Variants in MAP7 observed in about 807,000 individuals in gnomAD.
MAP7 encodes ensconsin.
A neutral mutation model predicts 94.8 loss-of-function variants in MAP7; 52 were observed. The ratio of observed to expected loss-of-function variants is 0.55; its 90% CI spans 0.44 to 0.69. The LOEUF (loss-of-function observed/expected upper bound fraction) is 0.69. Ranked by LOEUF, MAP7 falls within the 30% of genes least tolerant of loss-of-function variation. The pLI is 0.00. For missense variants in MAP7, 940 were observed against 964.6 expected (o/e 0.97, Z 0.34); for synonymous variants, 350 against 357.0 (o/e 0.98, Z 0.22).
rs151223651 is a variant in MAP7, at chr6:136,433,631, G to T, written c.68-11832C>A. Among the ~76,000 whole-genome samples, 132 of 152,352 alleles carry T rather than the reference G, an allele frequency of 8.7e-4. 2 individuals are homozygous for T. The highest frequency in any genetic ancestry group is 3.1e-3 in the African/African-American group (130 of 41,584). Reference sequence around the variant, plus strand: ...ATTGGATCAGAGGCTTAAAAGCAAGGTTTGTTCCATATGGATACATTTACC... The same window carrying T: ...ATTGGATCAGAGGCTTAAAAGCAAGTTTTGTTCCATATGGATACATTTACC... On this transcript the variant is annotated intron_variant, in intron 1 of 17. Coordinates refer to ENST00000354570, the MANE Select transcript of MAP7 (RefSeq NM_003980.6).
chr6:136,429,979 C>T (rs1362394847), intron 1 of MAP7, among the ~76,000 whole-genome samples: 2 of 152,142 alleles, frequency 1.3e-5, no homozygotes, highest in African/African-American at 4.8e-5. Flanking sequence ...ATAATGTTTA[C>T]GACTAAGCAA....
intron 1 of MAP7, among the ~76,000 whole-genome samples, chr6:136,507,893 C>T (rs1324594057): frequency 6.6e-6 from 1 of 152,208 alleles, no homozygotes; most frequent in African/African-American, 2.4e-5. Context: ...TTAACTCCTA[C>T]ACCGTATGGC....
chr6:136,437,189 T>G (rs1233587596), intron 1 of MAP7, among the ~76,000 whole-genome samples: 1 of 152,192 alleles, frequency 6.6e-6, no homozygotes, highest in Non-Finnish European at 1.5e-5. Context: ...GGCCAGGAAG[T>G]GTTCTTCCAC....
intron 5 of MAP7, among the ~76,000 whole-genome samples, chr6:136,384,968 G>C (rs1225519166): frequency 1.3e-5 from 2 of 152,184 alleles, no homozygotes; most frequent in Non-Finnish European, 2.9e-5. Context: ...TTATCCAGGA[G>C]GCAGGTGGAT....
chr6:136,513,104 C>T (rs1170945153), intron 1 of MAP7, among the ~76,000 whole-genome samples: 1 of 152,186 alleles, frequency 6.6e-6, no homozygotes, highest in Non-Finnish European at 1.5e-5. Context: ...CTCTGCCTCT[C>T]AAAGCACTGG....
chr6:136,429,811 T>C (rs1371614903), intron 1 of MAP7, among the ~76,000 whole-genome samples: 1 of 152,228 alleles, frequency 6.6e-6, no homozygotes, highest in African/African-American at 2.4e-5. Flanking sequence ...TTCAGCCAGA[T>C]GGCAACACTA....
At chr6:136,358,097 T>C (rs1470624835) in intron 15 of MAP7, among the ~76,000 whole-genome samples, 1 of 152,230 alleles carries the variant, frequency 6.6e-6, no homozygotes, top group Non-Finnish European at 1.5e-5. Context: ...AGCCTCCTTT[T>C]AGCAGTTTTA....
intron 1 of MAP7, among the ~76,000 whole-genome samples, chr6:136,535,742 T>C (rs1009909667): frequency 6.6e-6 from 1 of 152,098 alleles, no homozygotes; most frequent in South Asian, 2.1e-4. Context: ...GTCATCTTTT[T>C]TTTTCTTTTT....
intron 1 of MAP7, among the ~76,000 whole-genome samples, chr6:136,470,074 G>T (rs899651132): frequency 3.9e-5 from 6 of 151,980 alleles, no homozygotes; most frequent in Non-Finnish European, 8.8e-5. Context: ...TGCCACCCTC[G>T]AAACTGAAGA....
chr6:136,526,234 C>G (rs761978932), intron 1 of MAP7: 25 of 1,187,312 alleles, frequency 2.1e-5, no homozygotes, highest in Non-Finnish European at 2.3e-5. Flanking sequence ...CAGGCACATG[C>G]GCTGGTGATT....
intron 7 of MAP7, among the ~76,000 whole-genome samples, chr6:136,374,115 C>T (rs1391895577): frequency 6.6e-6 from 1 of 152,168 alleles, no homozygotes; most frequent in Non-Finnish European, 1.5e-5. Flanking sequence ...TCTGTTTCTT[C>T]AGGACAAACT....
intron 1 of MAP7, among the ~76,000 whole-genome samples, chr6:136,455,303 T>G (rs1426620493): frequency 6.6e-6 from 1 of 152,130 alleles, no homozygotes; most frequent in Non-Finnish European, 1.5e-5. Flanking sequence ...TATAAATATA[T>G]ATGCACCCAA....
At chr6:136,501,035 T>C (rs1047334760) in intron 1 of MAP7, among the ~76,000 whole-genome samples, 1 of 152,224 alleles carries the variant, frequency 6.6e-6, no homozygotes, top group African/African-American at 2.4e-5. Context: ...CAATGTAAAT[T>C]TTATGTTTTA....
intron 16 of MAP7, among the ~76,000 whole-genome samples, chr6:136,352,760 G>A (rs1298557693): frequency 6.6e-6 from 1 of 152,066 alleles, no homozygotes; most frequent in Non-Finnish European, 1.5e-5. Flanking sequence ...AACTATGAAG[G>A]GTATGGAAAC....
rs1294153856 is a variant in MAP7, at chr6:136,379,215, A to ATC, written c.638-1348_638-1347insGA. Among the ~76,000 whole-genome samples the ATC allele has an allele frequency of 4.4e-3, 668 of 152,322 alleles. 6 individuals carry two copies. The highest frequency in any genetic ancestry group is 0.015 in the African/African-American group (637 of 41,576). On this transcript the variant is annotated intron_variant, in intron 6 of 17. Transcript: ENST00000354570. ...ATTAATAAAAGCCATATACTGCTAA[A>ATC]CATTGTCTTAAAAATAGTTGCTTCC...
intron 5 of MAP7, among the ~76,000 whole-genome samples, chr6:136,385,768 T>C (rs1030726279): frequency 6.6e-6 from 1 of 152,160 alleles, no homozygotes; most frequent in Non-Finnish European, 1.5e-5. Context: ...TTTTAATGTA[T>C]CAAGTTTTTG....
chr6:136,386,361 C>T (rs1779194109), intron 5 of MAP7, among the ~76,000 whole-genome samples: 1 of 152,138 alleles, frequency 6.6e-6, no homozygotes, highest in Non-Finnish European at 1.5e-5. Context: ...TATTATAATT[C>T]ACAACCCGTA....
chr6:136,415,460 C>T (rs955347531), intron 2 of MAP7, among the ~76,000 whole-genome samples: 8 of 152,136 alleles, frequency 5.3e-5, no homozygotes, highest in African/African-American at 1.9e-4. Context: ...GAAAAGAAGG[C>T]TTTAATAACA....
chr6:136,537,125 T>C (rs1828947769), intron 1 of MAP7, among the ~76,000 whole-genome samples: 1 of 152,012 alleles, frequency 6.6e-6, no homozygotes, highest in East Asian at 1.9e-4. Flanking sequence ...ACTTGCTTGA[T>C]GGTTGGAAAC....
Sources: allele counts gnomAD v4.1 joint callset (sites outside exome capture counted in the v4.1 genomes callset), GRCh38; gene constraint gnomAD v4.1.1; transcripts MANE v1.5; gene names NCBI Gene and HGNC (gene_info 2026-07-23, HGNC 2026-07-21).